The following ATP6V1A variants were observed in gnomAD, a reference collection of about 807,000 sequenced individuals.
ATP6V1A encodes V-type proton ATPase catalytic subunit A.
Under a neutral mutation model 70.1 loss-of-function variants are expected in ATP6V1A, and 18 were observed. That is an observed-to-expected ratio of 0.26 (90% CI 0.18 to 0.38). The LOEUF (loss-of-function observed/expected upper bound fraction) is 0.38. Among genes scored for constraint, ATP6V1A ranks in the 10% least tolerant of loss-of-function variants. The probability of loss-of-function intolerance (pLI) is 1.00; values close to 1 mark genes in which losing one functional copy is unlikely to be tolerated. For synonymous variants in ATP6V1A, 232 were observed against 253.8 expected, an observed-to-expected ratio of 0.91 and a Z score of 0.82; for missense variants, 424 against 772.4, an observed-to-expected ratio of 0.55 and a Z score of 5.35.
intron 1 of ATP6V1A, among the ~76,000 whole-genome samples, chr3:113,756,064 TAAC>T (rs1191939418): frequency 1.3e-5 from 2 of 152,222 alleles, no homozygotes; most frequent in Admixed American, 6.5e-5. Context: ...GGAAGCCTCA[TAAC>T]AACCTATGAG....
intron 1 of ATP6V1A, among the ~76,000 whole-genome samples, chr3:113,766,742 T>C (rs987531687): frequency 6.6e-6 from 1 of 152,254 alleles, no homozygotes; most frequent in African/African-American, 2.4e-5. Flanking sequence ...ATTTAGTCCA[T>C]GACACATGGC....
At chr3:113,788,482 C>T (rs916470297) in intron 6 of ATP6V1A, among the ~76,000 whole-genome samples, 4 of 151,552 alleles carry the variant, frequency 2.6e-5, no homozygotes, top group Non-Finnish European at 5.9e-5. Context: ...TTACAGGCAC[C>T]CACCACATGC....
intron 1 of ATP6V1A, among the ~76,000 whole-genome samples, chr3:113,774,510 G>A (rs755851569): frequency 6.6e-6 from 1 of 151,982 alleles, no homozygotes; most frequent in Non-Finnish European, 1.5e-5. Flanking sequence ...CGTGGCATTT[G>A]TCTCTCAATA....
Position 113,804,145 on chromosome 3 carries a change from C to T in ATP6V1A, c.1589+468C>T, listed in dbSNP as rs181377551. ...AGCTAGAACTGCAGGTGCCCACCAC[C>T]ATGCCCAGCTAATTTTTTTTTTTTT... On this transcript the variant is annotated intron_variant, in intron 13 of 14. Coordinates refer to ENST00000273398, the MANE Select transcript of ATP6V1A (RefSeq NM_001690.4). Among the ~76,000 whole-genome samples, 810 of 152,030 alleles carry T rather than the reference C, an allele frequency of 5.3e-3. 15 individuals are homozygous for T. The highest frequency in any genetic ancestry group is 0.034 in the Admixed American group (516 of 15,246).
At chr3:113,778,505 T>A (rs1708941488) in intron 1 of ATP6V1A, among the ~76,000 whole-genome samples, 1 of 151,908 alleles carries the variant, frequency 6.6e-6, no homozygotes, top group Non-Finnish European at 1.5e-5. Flanking sequence ...TCCAGGAGTC[T>A]GAGGCTGCAG....
chr3:113,763,077 C>G (rs538081765), intron 1 of ATP6V1A, among the ~76,000 whole-genome samples: 1 of 151,746 alleles, frequency 6.6e-6, no homozygotes. Flanking sequence ...ACATCTCTTT[C>G]CTTTTTACCT....
chr3:113,757,313 A>G (rs897329627), intron 1 of ATP6V1A, among the ~76,000 whole-genome samples: 3 of 152,202 alleles, frequency 2.0e-5, no homozygotes, highest in African/African-American at 7.2e-5. Flanking sequence ...AAATAGAGAT[A>G]AACAGGCTGT....
chr3:113,782,629 T>G (rs1329560894), intron 3 of ATP6V1A, among the ~76,000 whole-genome samples: 1 of 148,934 alleles, frequency 6.7e-6, no homozygotes, highest in Non-Finnish European at 1.5e-5. Context: ...TTTTGTTTGT[T>G]TGTTTGCTTT....
intron 3 of ATP6V1A, 120 bp from the exon 4 acceptor site, chr3:113,784,104 G>GA: frequency 1.1e-6 from 1 of 899,732 alleles, no homozygotes; most frequent in Non-Finnish European, 1.7e-6. Flanking sequence ...TGTGAACTGA[G>GA]AAAGTTTGGG....
At position 113,808,958 on chromosome 3, in the gene ATP6V1A, G is replaced by A. The variant is rs151077388; in HGVS notation, c.1762-377G>A. On this transcript the variant is annotated intron_variant, in intron 14 of 14. Transcript: ENST00000273398. ...CTAGTACTCAAAATATATAAAATAC[G>A]AGTAACCTGGGCCAGGTGCAGTGGC... 1.6e-4 allele frequency among the ~76,000 whole-genome samples: 24 copies of A among 152,050 alleles called. 1 individual carries two copies. Among genetic ancestry groups the A allele is most frequent in the African/African-American group, 4.1e-4 (17 of 41,508 alleles).
At chr3:113,773,546 T>G (rs913476705) in intron 1 of ATP6V1A, among the ~76,000 whole-genome samples, 1 of 152,186 alleles carries the variant, frequency 6.6e-6, no homozygotes, top group Non-Finnish European at 1.5e-5. Context: ...ACAAACCCAT[T>G]TGGTTTCCGC....
At chr3:113,756,016 C>G (rs1708643665) in intron 1 of ATP6V1A, among the ~76,000 whole-genome samples, 1 of 152,178 alleles carries the variant, frequency 6.6e-6, no homozygotes, top group Admixed American at 6.5e-5. Flanking sequence ...TACTCCTGAT[C>G]CAAATGCTTT....
At chr3:113,750,240 G>A (rs1708570517) in intron 1 of ATP6V1A, among the ~76,000 whole-genome samples, 1 of 152,142 alleles carries the variant, frequency 6.6e-6, no homozygotes, top group African/African-American at 2.4e-5. Flanking sequence ...AGTGCTTTGG[G>A]AGGCCAAGGC....
chr3:113,798,045 A>G (rs1281086588), intron 11 of ATP6V1A, among the ~76,000 whole-genome samples, 198 bp from the exon 12 acceptor site: 2 of 152,084 alleles, frequency 1.3e-5, no homozygotes, highest in Non-Finnish European at 2.9e-5. Context: ...AGTCAGGAGA[A>G]TTGTTTGAAC....
intron 1 of ATP6V1A, among the ~76,000 whole-genome samples, chr3:113,750,102 T>G (rs1377641909): frequency 1.3e-5 from 2 of 152,236 alleles, no homozygotes; most frequent in Non-Finnish European, 2.9e-5. Flanking sequence ...TCTGCCACTT[T>G]AGTTATATGT....
At chr3:113,758,038 G>A (rs550857459) in intron 1 of ATP6V1A, among the ~76,000 whole-genome samples, 1 of 152,274 alleles carries the variant, frequency 6.6e-6, no homozygotes, top group South Asian at 2.1e-4. Flanking sequence ...CAGCTACTCA[G>A]GAGGCTGAGG....
intron 6 of ATP6V1A, among the ~76,000 whole-genome samples, chr3:113,787,280 G>A (rs1482196829): frequency 6.6e-6 from 1 of 152,286 alleles, no homozygotes; most frequent in East Asian, 1.9e-4. Flanking sequence ...GGATCCAGGG[G>A]ATCAGTTTAG....
In ATP6V1A at chr3:113,784,284, G is replaced by A; in HGVS notation, c.272G>A (p.Gly91Asp). Residue 91 changes from glycine to aspartate, a missense_variant, in exon 4 of 15, where the codon GGT becomes GAT. Physicochemically the swap from Gly to Asp is moderately conservative, Grantham distance 94. This residue lies in a region of ATP6V1A where 139 missense variants were observed against 163.5 expected (regional missense o/e 0.85). Transcript: ENST00000273398. ...GGTAAACCCCTCTCTGTAGAGCTTG[G>A]TCCTGGCATTATGGGAGCCATTTTT... The part of the protein sequence containing the change: ...RTGKPLSVEL[G>D]PGIMGAIFDG... 1 of 1,614,174 alleles carries A rather than the reference G, an allele frequency of 6.2e-7. No homozygotes were observed. The highest frequency in any genetic ancestry group is 8.5e-7 in the Non-Finnish European group (1 of 1,180,030).
chr3:113,758,435 C>G (rs1708668331), intron 1 of ATP6V1A, among the ~76,000 whole-genome samples: 2 of 152,052 alleles, frequency 1.3e-5, no homozygotes, highest in African/African-American at 4.8e-5. Flanking sequence ...CCTTCCATAC[C>G]TCCCCACCTC....
Sources: gnomAD v4.1 joint callset for allele counts (sites outside exome capture counted in the v4.1 genomes callset) on GRCh38, gnomAD v4.1.1 for gene constraint, gnomAD v4.1.1 regional missense constraint, MANE v1.5 for transcripts, NCBI Gene and HGNC (gene_info 2026-07-23, HGNC 2026-07-21) for gene names.